Variants in PCDH9 observed in about 807,000 individuals in gnomAD.
PCDH9 encodes the protein protocadherin-9.
In PCDH9, 24 loss-of-function variants were observed where a neutral mutation model predicts 70.6. That is an observed-to-expected ratio of 0.34 (90% CI 0.25 to 0.48). The LOEUF (loss-of-function observed/expected upper bound fraction) is 0.48, where lower values mean the gene tolerates loss of function less well. Among genes scored for constraint, PCDH9 ranks in the 20% least tolerant of loss-of-function variants. The pLI is 0.99. For synonymous variants in PCDH9, 562 were observed against 558.5 expected (o/e 1.01, Z -0.09); for missense variants, 1,281 against 1,503.6 (o/e 0.85, Z 2.45).
At chr13:66,550,981 G>T (rs1961460691) in intron 4 of PCDH9, among the ~76,000 whole-genome samples, 1 of 152,164 alleles carries the variant, frequency 6.6e-6, no homozygotes, top group Non-Finnish European at 1.5e-5. Flanking sequence ...TTGAGGGAAA[G>T]CAAAAGTAAT....
At chr13:66,850,521 G>GGA in intron 3 of PCDH9, among the ~76,000 whole-genome samples, 1 of 142,108 alleles carries the variant, frequency 7.0e-6, no homozygotes, top group African/African-American at 2.7e-5. Context: ...CAAAAAAACA[G>GGA]AAAAAAAAAA....
At chr13:67,072,380 C>T (rs186140986) in intron 2 of PCDH9, among the ~76,000 whole-genome samples, 14 of 152,250 alleles carry the variant, frequency 9.2e-5, no homozygotes, top group African/African-American at 2.9e-4. Flanking sequence ...TTGCTGAGGT[C>T]CCTGCATTTT....
chr13:67,166,691 G>A (rs141500695), intron 2 of PCDH9, among the ~76,000 whole-genome samples: 2 of 152,054 alleles, frequency 1.3e-5, no homozygotes, highest in African/African-American at 4.8e-5. Context: ...TTTATTCTGT[G>A]TTATATTATT....
chr13:66,775,580 T>C (rs1276874522), intron 3 of PCDH9, among the ~76,000 whole-genome samples: 1 of 152,198 alleles, frequency 6.6e-6, no homozygotes, highest in Non-Finnish European at 1.5e-5. Context: ...ATGATGAGGA[T>C]GATGAACTTT....
At chr13:66,630,751 C>G (rs928622857) in intron 4 of PCDH9, 1 of 151,990 alleles carries the variant, frequency 6.6e-6, no homozygotes, top group African/African-American at 2.4e-5. Context: ...ATCTGATAGA[C>G]AAATTCTAAA....
At chr13:66,699,360 G>A (rs7997082) in intron 3 of PCDH9, among the ~76,000 whole-genome samples, 2,976 of 152,288 alleles carry the variant, frequency 0.02, 100 homozygotes, top group African/African-American at 0.068. Context: ...CAAAACAAAT[G>A]TCTGTGTCCT....
At chr13:66,423,859 A>T (rs1363864762) in intron 4 of PCDH9, among the ~76,000 whole-genome samples, 1 of 152,202 alleles carries the variant, frequency 6.6e-6, no homozygotes, top group Non-Finnish European at 1.5e-5. Context: ...AATAAAGGGT[A>T]TTCAGATATG....
At chr13:66,418,822 A>C (rs1957508705) in intron 4 of PCDH9, among the ~76,000 whole-genome samples, 1 of 83,158 alleles carries the variant, frequency 1.2e-5, no homozygotes, top group Admixed American at 1.6e-4. Context: ...GAAAAGTTTA[A>C]CAAAATAGAT....
At chr13:66,711,042 C>A (rs1457460581) in intron 3 of PCDH9, among the ~76,000 whole-genome samples, 1 of 152,046 alleles carries the variant, frequency 6.6e-6, no homozygotes, top group African/African-American at 2.4e-5. Context: ...GAGATTAGGA[C>A]ATGTAGTTCT....
At chr13:66,848,129 A>C (rs2081245481) in intron 3 of PCDH9, among the ~76,000 whole-genome samples, 1 of 152,206 alleles carries the variant, frequency 6.6e-6, no homozygotes, top group East Asian at 1.9e-4. Context: ...AAAGCAAGTA[A>C]TATTTGAATA....
At chr13:66,843,083 G>A (rs1254674082) in intron 3 of PCDH9, among the ~76,000 whole-genome samples, 2 of 152,176 alleles carry the variant, frequency 1.3e-5, no homozygotes, top group Admixed American at 6.5e-5. Flanking sequence ...TGAACTTCAG[G>A]TAGACCCAGG....
chr13:66,789,389 A>C (rs1180152863), intron 3 of PCDH9, among the ~76,000 whole-genome samples: 1 of 152,180 alleles, frequency 6.6e-6, no homozygotes, highest in African/African-American at 2.4e-5. Flanking sequence ...CTGTTGTCTT[A>C]GTGCATATTG....
rs78741099 is a variant in PCDH9, at chr13:66,511,243, T to C, written c.3340+119967A>G. On this transcript the variant is annotated intron_variant, in intron 4 of 4. Transcript: ENST00000377865. ...AAATTTTTATATTAGTTTTGCATTATAGTTGTTATTAATAAAATTCAAAAT... is the reference window on the plus strand; with the variant it reads ...AAATTTTTATATTAGTTTTGCATTACAGTTGTTATTAATAAAATTCAAAAT... Among the ~76,000 whole-genome samples the C allele has an allele frequency of 3.1e-3, 465 of 152,320 alleles. 3 individuals carry two copies. The highest frequency in any genetic ancestry group is 9.7e-3 in the African/African-American group (403 of 41,572).
intron 4 of PCDH9, among the ~76,000 whole-genome samples, chr13:66,416,585 G>T (rs2138337032): frequency 6.6e-6 from 1 of 152,266 alleles, no homozygotes; most frequent in East Asian, 1.9e-4. Context: ...ATATTAGTTT[G>T]CCCAATTTGA....
Position 66,950,638 on chromosome 13 carries a change from C to T in PCDH9, c.3037-47033G>A, listed in dbSNP as rs1468842473. ...CTGAATGTTTAATAATCAAAAGTGC[C>T]AGAATTTAAAGAAAAATAAAACAGG... On this transcript the variant is annotated intron_variant, in intron 2 of 4. Coordinates refer to ENST00000377865, the MANE Select transcript of PCDH9 (RefSeq NM_203487.3). Among the ~76,000 whole-genome samples the T allele has an allele frequency of 3.3e-5, 5 of 151,734 alleles. No individual in the cohort carries two copies. The South Asian group carries it at 1.0e-3, about 32-fold the overall frequency.
At chr13:66,850,258 C>T (rs2081293459) in intron 3 of PCDH9, among the ~76,000 whole-genome samples, 1 of 152,176 alleles carries the variant, frequency 6.6e-6, no homozygotes, top group Non-Finnish European at 1.5e-5. Context: ...GTGGCTCACG[C>T]CTGTAATGCC....
At chr13:66,708,143 G>A (rs1326425749) in intron 3 of PCDH9, among the ~76,000 whole-genome samples, 2 of 150,938 alleles carry the variant, frequency 1.3e-5, no homozygotes, top group Non-Finnish European at 3.0e-5. Context: ...TCCGCCTCCC[G>A]GGTTCACGCC....
At chr13:66,518,188 G>C (rs185795320) in intron 4 of PCDH9, among the ~76,000 whole-genome samples, 23 of 152,120 alleles carry the variant, frequency 1.5e-4, no homozygotes, top group African/African-American at 5.5e-4. Context: ...AAACAGAGGA[G>C]GGGAGGTGCC....
At chr13:66,581,221 A>T (rs1415936562) in intron 4 of PCDH9, among the ~76,000 whole-genome samples, 1 of 152,200 alleles carries the variant, frequency 6.6e-6, no homozygotes, top group Non-Finnish European at 1.5e-5. Context: ...GCTTTAGCTT[A>T]CTACAACAAA....
Sources: allele counts gnomAD v4.1 joint callset (sites outside exome capture counted in the v4.1 genomes callset), GRCh38; gene constraint gnomAD v4.1.1; transcripts MANE v1.5; gene names NCBI Gene and HGNC (gene_info 2026-07-23, HGNC 2026-07-21).